DMC1: variants seen among roughly 807,000 people sequenced by gnomAD.
DMC1 encodes the protein meiotic recombination protein DMC1 homolog.
A neutral mutation model predicts 50.1 loss-of-function variants in DMC1; 27 were observed. The ratio of observed to expected loss-of-function variants is 0.54; its 90% CI spans 0.40 to 0.74. The LOEUF is 0.74. DMC1 is among the 30% of genes least tolerant of loss of function. The pLI is 0.00. For synonymous variants in DMC1, 148 were observed against 136.1 expected, an observed-to-expected ratio of 1.09 and a Z score of -0.61; for missense variants, 295 against 420.2, an observed-to-expected ratio of 0.70 and a Z score of 2.60.
intron 6 of DMC1, among the ~76,000 whole-genome samples, chr22:38,554,301 C>T (rs1291568618): frequency 6.6e-6 from 1 of 152,098 alleles, no homozygotes; most frequent in Non-Finnish European, 1.5e-5. Context: ...AACTTTCCTA[C>T]CTACCAATCC....
chr22:38,566,556 C>T (rs1428430192), intron 4 of DMC1, 34 bp downstream of exon 4: 2 of 1,613,294 alleles, frequency 1.2e-6, no homozygotes, highest in Non-Finnish European at 1.7e-6. Flanking sequence ...AAGGCCCTGC[C>T]AAGCTAAAAC....
In DMC1 at chr22:38,540,685, T is replaced by C. The variant is rs1291743922; in HGVS notation, c.495-1273A>G. Among the ~76,000 whole-genome samples, 5 of 152,234 alleles carry C rather than the reference T, an allele frequency of 3.3e-5. No homozygotes were observed. In the South Asian group the frequency reaches 6.2e-4, roughly 19 times the overall value. On this transcript the variant is annotated intron_variant, in intron 8 of 13. Coordinates refer to ENST00000216024, the MANE Select transcript of DMC1 (RefSeq NM_007068.4). ...CATTTATATCCTAATGCACTAGATA[T>C]GTTCTTGTTGTTAGAGCTTTGGTGA...
At chr22:38,537,501 C>A (rs147307726) in intron 12 of DMC1, 91 bp downstream of exon 12, 1 of 1,253,372 alleles carries the variant, frequency 8.0e-7, no homozygotes, top group Non-Finnish European at 1.2e-6. Flanking sequence ...CGTGAGCCAC[C>A]GTGCCCGGCC....
intron 1 of DMC1, 40 bp from the exon 2 acceptor site, chr22:38,568,329 G>T: frequency 7.0e-7 from 1 of 1,438,582 alleles, no homozygotes; most frequent in Non-Finnish European, 9.8e-7. Flanking sequence ...GTAGTCCTTT[G>T]TCCAGGGGCC....
At position 38,568,269 on chromosome 22, in the gene DMC1, G is replaced by C. The variant is rs2090601839; in HGVS notation, c.-13C>G. The C allele has an allele frequency of 6.8e-6, 11 of 1,613,752 alleles. No individual in the cohort carries two copies. The East Asian group carries it at 2.5e-4, about 36-fold the overall frequency. On this transcript the variant is annotated 5_prime_UTR_variant, in exon 2 of 14. Transcript: ENST00000216024. ...GATCCTCCTTCATATTGAAAAGTGG[G>C]CAACAGAAAAATAATCACTTCTGGG...
At chr22:38,531,341 G>A (rs1247618992) in intron 12 of DMC1, among the ~76,000 whole-genome samples, 3 of 151,832 alleles carry the variant, frequency 2.0e-5, no homozygotes, top group South Asian at 4.2e-4. Flanking sequence ...TTGCTATATC[G>A]TATGGCAGCT....
intron 12 of DMC1, among the ~76,000 whole-genome samples, chr22:38,524,116 T>C (rs1181803333): frequency 6.6e-6 from 1 of 152,068 alleles, no homozygotes; most frequent in Non-Finnish European, 1.5e-5. Flanking sequence ...TGCTACTTTA[T>C]AAAGAAAATA....
chr22:38,565,000 G>A (rs2090566957), intron 4 of DMC1, among the ~76,000 whole-genome samples: 1 of 152,222 alleles, frequency 6.6e-6, no homozygotes, highest in South Asian at 2.1e-4. Flanking sequence ...ATGGCCGTTG[G>A]TGAAGAGAGC....
At chr22:38,542,725 C>A (rs1279355127) in intron 8 of DMC1, among the ~76,000 whole-genome samples, 1 of 152,102 alleles carries the variant, frequency 6.6e-6, no homozygotes, top group Non-Finnish European at 1.5e-5. Flanking sequence ...TATGGAACCA[C>A]AAAAGACCCA....
At chr22:38,540,942 T>C (rs2090274524) in intron 8 of DMC1, among the ~76,000 whole-genome samples, 1 of 152,202 alleles carries the variant, frequency 6.6e-6, no homozygotes, top group Non-Finnish European at 1.5e-5. Flanking sequence ...AGTGCCCTTA[T>C]ACAAAGGCTG....
At chr22:38,550,031 G>A (rs764843457) in intron 7 of DMC1, 34 bp from the exon 8 acceptor site, 2 of 1,500,828 alleles carry the variant, frequency 1.3e-6, no homozygotes, top group East Asian at 2.3e-5. Context: ...ATTAATAGGA[G>A]TGAATAAACT....
chr22:38,568,436 A>C (rs1462626224), intron 1 of DMC1, 147 bp from the exon 2 acceptor site: 2 of 645,940 alleles, frequency 3.1e-6, no homozygotes, highest in Non-Finnish European at 5.5e-6. Context: ...TCTGCGAGAC[A>C]TGTGACATTA....
chr22:38,567,143 G>A (rs2090588427), intron 3 of DMC1, among the ~76,000 whole-genome samples: 1 of 151,952 alleles, frequency 6.6e-6, no homozygotes, highest in African/African-American at 2.4e-5. Context: ...CCTGGAGAAT[G>A]CAAATAACTA....
At chr22:38,556,648 A>T (rs1185481260) in intron 5 of DMC1, among the ~76,000 whole-genome samples, 1 of 152,212 alleles carries the variant, frequency 6.6e-6, no homozygotes, top group Non-Finnish European at 1.5e-5. Flanking sequence ...AATTTAAGTC[A>T]TGATCTCATT....
intron 11 of DMC1, 109 bp downstream of exon 11, chr22:38,538,186 A>G: frequency 1.2e-6 from 1 of 839,794 alleles, no homozygotes; most frequent in South Asian, 1.5e-5. Context: ...TCATAAAGGT[A>G]ATTTTATTTA....
At chr22:38,513,560 TTCTCTC>T in the DMC1 span, among the ~76,000 whole-genome samples, 1 of 151,800 alleles carries the variant, frequency 6.6e-6, no homozygotes, top group Non-Finnish European at 1.5e-5. Flanking sequence ...CTCTTTCTCT[TTCTCTC>T]TCTCTTTCTT....
At chr22:38,568,850 T>C (rs2090608449) in intron 1 of DMC1, among the ~76,000 whole-genome samples, 1 of 152,178 alleles carries the variant, frequency 6.6e-6, no homozygotes, top group Non-Finnish European at 1.5e-5. Context: ...GAACATTAGC[T>C]ATACTTTCTT....
chr22:38,518,703 T>C (rs57105975), downstream of DMC1, among the ~76,000 whole-genome samples: 7,008 of 151,978 alleles, frequency 0.046, 275 homozygotes, highest in East Asian at 0.11. Context: ...GCTAATTTTT[T>C]TGTATTTTTG....
chr22:38,511,083 A>G, the DMC1 span, among the ~76,000 whole-genome samples: 1 of 151,882 alleles, frequency 6.6e-6, no homozygotes, highest in Admixed American at 6.6e-5. Flanking sequence ...GCATTGAGCT[A>G]TGATTGTGCC....
Sources: allele counts gnomAD v4.1 joint callset (sites outside exome capture counted in the v4.1 genomes callset), GRCh38; gene constraint gnomAD v4.1.1; transcripts MANE v1.5; gene names NCBI Gene and HGNC (gene_info 2026-07-23, HGNC 2026-07-21).